SLC36A1: variants seen among roughly 807,000 people sequenced by gnomAD.
SLC36A1 encodes the protein proton-coupled amino acid transporter 1.
A neutral mutation model predicts 47.5 loss-of-function variants in SLC36A1; 30 were observed. The observed-to-expected ratio is 0.63, with a 90% CI of 0.47 to 0.86. The LOEUF (loss-of-function observed/expected upper bound fraction) is 0.86. SLC36A1 is among the 40% of genes least tolerant of loss of function. The pLI is 0.00. For missense variants in SLC36A1, 517 were observed against 606.0 expected, an observed-to-expected ratio of 0.85 and a Z score of 1.54; for synonymous variants, 255 against 249.7, an observed-to-expected ratio of 1.02 and a Z score of -0.20.
chr5:151,398,170 T>C, the SLC36A1 span, among the ~76,000 whole-genome samples: 2 of 152,156 alleles, frequency 1.3e-5, no homozygotes, highest in African/African-American at 4.8e-5. Flanking sequence ...CAGCAACCAT[T>C]GCCCCTTGAG....
At chr5:151,432,966 G>T (rs1759455533), upstream of SLC36A1, among the ~76,000 whole-genome samples, 1 of 151,730 alleles carries the variant, frequency 6.6e-6, no homozygotes, top group Non-Finnish European at 1.5e-5. Flanking sequence ...AGAGGACCCA[G>T]TGAAAGCCAT....
the SLC36A1 span, among the ~76,000 whole-genome samples, chr5:151,351,324 G>A: frequency 6.6e-6 from 1 of 151,836 alleles, no homozygotes; most frequent in Non-Finnish European, 1.5e-5. Flanking sequence ...CTCTGTTGCA[G>A]TGAGACGAGA....
chr5:151,485,412 G>A, intron 10 of SLC36A1, among the ~76,000 whole-genome samples: 1 of 152,190 alleles, frequency 6.6e-6, no homozygotes, highest in Non-Finnish European at 1.5e-5. Context: ...ACTTGACAAA[G>A]CAGAAAGAGG....
At chr5:151,528,231 T>C in the SLC36A1 span, 20 of 1,465,588 alleles carry the variant, frequency 1.4e-5, no homozygotes, top group Admixed American at 9.4e-5. Flanking sequence ...GTGACTGCCT[T>C]TGGGCTAGCA....
At chr5:151,507,191 C>T in the SLC36A1 span, 1 of 1,605,364 alleles carries the variant, frequency 6.2e-7, no homozygotes, top group South Asian at 1.1e-5. Flanking sequence ...TAATGACAGG[C>T]TCATTGTCAG....
At chr5:151,460,039 C>T (rs575668302) in intron 2 of SLC36A1, among the ~76,000 whole-genome samples, 23 of 152,292 alleles carry the variant, frequency 1.5e-4, no homozygotes, top group Admixed American at 3.3e-4. Flanking sequence ...TGTAGATTCC[C>T]CATTAGCCTG....
chr5:151,413,550 C>G, the SLC36A1 span, among the ~76,000 whole-genome samples: 1 of 152,124 alleles, frequency 6.6e-6, no homozygotes, highest in Admixed American at 6.5e-5. Flanking sequence ...ATTCACATAA[C>G]TTTCGCCTTT....
chr5:151,359,570 T>C, the SLC36A1 span, among the ~76,000 whole-genome samples: 1 of 152,242 alleles, frequency 6.6e-6, no homozygotes. Context: ...AAATTTATAA[T>C]TGTGCAATCA....
chr5:151,548,163 C>T, the SLC36A1 span, among the ~76,000 whole-genome samples: 4 of 152,192 alleles, frequency 2.6e-5, no homozygotes, highest in South Asian at 8.3e-4. Context: ...AAGCTACTGG[C>T]TTTATACAGT....
the SLC36A1 span, among the ~76,000 whole-genome samples, chr5:151,385,197 C>G: frequency 6.6e-6 from 1 of 152,140 alleles, no homozygotes; most frequent in Non-Finnish European, 1.5e-5. Flanking sequence ...GGAAAAGTTG[C>G]ACAGACATAC....
the SLC36A1 span, among the ~76,000 whole-genome samples, chr5:151,365,630 G>T: frequency 2.0e-5 from 3 of 152,198 alleles, no homozygotes; most frequent in African/African-American, 4.8e-5. Flanking sequence ...AAATCAGGCA[G>T]CTGAGTCAGG....
the SLC36A1 span, chr5:151,366,666 G>T: frequency 6.3e-6 from 1 of 158,146 alleles, no homozygotes; most frequent in South Asian, 1.7e-4. Flanking sequence ...AACCTGCAGT[G>T]GAAGAAGATA....
At chr5:151,437,734 A>G (rs958569606) in intron 1 of SLC36A1, among the ~76,000 whole-genome samples, 1 of 152,220 alleles carries the variant, frequency 6.6e-6, no homozygotes, top group African/African-American at 2.4e-5. Flanking sequence ...GATTATAAAT[A>G]ATATTCATTT....
the SLC36A1 span, among the ~76,000 whole-genome samples, chr5:151,377,319 C>T: frequency 3.3e-5 from 5 of 151,374 alleles, no homozygotes; most frequent in Non-Finnish European, 5.9e-5. Flanking sequence ...ATTGAAGTCC[C>T]CCACTATTAT....
intron 7 of SLC36A1, among the ~76,000 whole-genome samples, chr5:151,468,266 A>AAAAAAATATATATAT (rs55642458): frequency 1.6e-5 from 1 of 63,818 alleles, no homozygotes; most frequent in African/African-American, 8.8e-5. Context: ...AAAAAAAAAA[A>AAAAAAATATATATAT]ATATATATAT....
the SLC36A1 span, chr5:151,347,568 C>T: frequency 1.4e-6 from 2 of 1,434,530 alleles, no homozygotes; most frequent in Admixed American, 1.7e-5. Context: ...GTGGTGTGTG[C>T]CCGGGCTGGC....
chr5:151,512,199 G>A, the SLC36A1 span: 10 of 1,614,144 alleles, frequency 6.2e-6, no homozygotes, highest in Non-Finnish European at 8.5e-6. This position sits in a 1 kb window ranked among gnomAD's most constrained non-coding sequence, Gnocchi z 4.1. Flanking sequence ...TCCCACCATT[G>A]AGGCATGTGT....
chr5:151,468,303 TATATATTTAC>T lies in SLC36A1; in HGVS notation c.723+385_723+394del, dbSNP rs1449100819. Among the ~76,000 whole-genome samples the T allele has an allele frequency of 1.8e-3, 190 of 106,650 alleles. 4 individuals are homozygous for T. The highest frequency in any genetic ancestry group is 6.7e-3 in the African/African-American group (187 of 27,986). The allele number at this position is 106,650 out of a possible 152,430, so 70.0% of individuals were successfully genotyped here. A position where few individuals can be genotyped will look rare whatever the true frequency, so the allele number is the denominator to read the frequency against. ...TATATATATATATATATTTTATATA[TATATATTTAC>T]ATATATGTGTATATGTTATTATATT... On this transcript the variant is annotated intron_variant, in intron 7 of 10. Transcript: ENST00000243389.
At chr5:151,364,707 G>A in the SLC36A1 span, among the ~76,000 whole-genome samples, 3 of 152,270 alleles carry the variant, frequency 2.0e-5, no homozygotes, top group Admixed American at 2.0e-4. Context: ...AACTGAATGT[G>A]GCTTAAGCAA....
Sources: gnomAD v4.1 joint callset for allele counts (sites outside exome capture counted in the v4.1 genomes callset) on GRCh38, gnomAD v4.1.1 for gene constraint, Gnocchi (gnomAD v3.1) non-coding constraint, MANE v1.5 for transcripts, NCBI Gene and HGNC (gene_info 2026-07-23, HGNC 2026-07-21) for gene names.